IL26: variants seen among roughly 807,000 people sequenced by gnomAD.
IL26 encodes the protein interleukin-26.
In IL26, 23 loss-of-function variants were observed where a neutral mutation model predicts 21.7. The ratio of observed to expected loss-of-function variants is 1.06; its 90% CI spans 0.76 to 1.50. The LOEUF is 1.50. Ranked by LOEUF, IL26 falls within the 40% of genes most tolerant of loss-of-function variation. The pLI is 0.00. For synonymous variants in IL26, 63 were observed against 67.8 expected (o/e 0.93, Z 0.34); for missense variants, 204 against 196.0 (o/e 1.04, Z -0.24).
chr12:68,208,964 A>G (rs1341579653), intron 3 of IL26, among the ~76,000 whole-genome samples: 2 of 152,218 alleles, frequency 1.3e-5, no homozygotes, highest in Non-Finnish European at 2.9e-5. Context: ...CAGGGTCCAC[A>G]AGCCTACTTG....
chr12:68,224,555 G>A (rs1474550463), intron 3 of IL26, among the ~76,000 whole-genome samples: 1 of 150,660 alleles, frequency 6.6e-6, no homozygotes, highest in Non-Finnish European at 1.5e-5. Context: ...ATAAGAAAAA[G>A]GGCATCAGTT....
rs11571022 is a variant in IL26, at chr12:68,215,040, C to CA, written c.363+10108dup. ...TGCTTTGTGGTTACCACGAGGCTTACAAAAAAACCTCTTATAAATATAACG... is the reference window on the plus strand; with the variant it reads ...TGCTTTGTGGTTACCACGAGGCTTACAAAAAAAACCTCTTATAAATATAACG... On this transcript the variant is annotated intron_variant, in intron 3 of 4. Coordinates refer to ENST00000229134, the MANE Select transcript of IL26 (RefSeq NM_018402.2). Among the ~76,000 whole-genome samples, 1,198 of 151,664 alleles carry CA rather than the reference C, an allele frequency of 7.9e-3. 12 individuals carry two copies. The highest frequency in any genetic ancestry group is 0.027 in the African/African-American group (1,135 of 41,348).
At chr12:68,222,605 A>T (rs1869085892) in intron 3 of IL26, among the ~76,000 whole-genome samples, 1 of 152,202 alleles carries the variant, frequency 6.6e-6, no homozygotes, top group Admixed American at 6.5e-5. Flanking sequence ...CCGATCGTGG[A>T]AGAAGCCTTG....
rs1311460719 is a variant in IL26, at chr12:68,215,124, A to C, written c.363+10025T>G. On this transcript the variant is annotated intron_variant, in intron 3 of 4. Transcript: ENST00000229134. ...TCAAAATAAAAAGGGACTAGAAACA[A>C]ACCAAGGAAAAACTTTTAAAAACTA... 3.9e-5 allele frequency among the ~76,000 whole-genome samples: 6 copies of C among 152,208 alleles called. No homozygotes were observed. The East Asian group carries it at 1.2e-3, about 29-fold the overall frequency.
rs144153916 is a variant in IL26 at position 68,209,995 on chromosome 12, A to G, written c.364-7912T>C. Among the ~76,000 whole-genome samples the G allele has an allele frequency of 5.3e-5, 8 of 152,270 alleles. No individual in the cohort carries two copies. The East Asian group carries it at 1.2e-3, about 22-fold the overall frequency. ...ACCTCAATATACAACTTCAGACTGG[A>G]TCATAACCACCCTTCTTGTTGTTTT... On this transcript the variant is annotated intron_variant, in intron 3 of 4. Transcript: ENST00000229134.
intron 3 of IL26, among the ~76,000 whole-genome samples, chr12:68,220,984 A>G (rs1869029986): frequency 6.6e-6 from 1 of 152,192 alleles, no homozygotes; most frequent in African/African-American, 2.4e-5. Context: ...AATGTTAAAT[A>G]TAGTCATAAG....
chr12:68,204,082 T>C (rs1481461494), intron 3 of IL26, among the ~76,000 whole-genome samples: 6 of 152,062 alleles, frequency 3.9e-5, no homozygotes, highest in African/African-American at 1.4e-4. Flanking sequence ...ATTTAATGCA[T>C]AGAATCCTTT....
At position 68,201,999 on chromosome 12, in the gene IL26, A is replaced by G. The variant is rs762976376; in HGVS notation, c.429+19T>C. ...TTTAAAAAACAAAGTTTTTTAATATAAGGATTTAGAATTCTTACCCTATAA... is the reference window on the plus strand; with the variant it reads ...TTTAAAAAACAAAGTTTTTTAATATGAGGATTTAGAATTCTTACCCTATAA... On this transcript the variant is annotated intron_variant, in intron 4 of 4. Coordinates refer to ENST00000229134, the MANE Select transcript of IL26 (RefSeq NM_018402.2). 3 of 1,547,924 alleles carry G rather than the reference A, an allele frequency of 1.9e-6. No individual in the cohort carries two copies. The East Asian group carries it at 6.9e-5, about 36-fold the overall frequency.
At chr12:68,222,090 C>G (rs1347755911) in intron 3 of IL26, among the ~76,000 whole-genome samples, 1 of 152,098 alleles carries the variant, frequency 6.6e-6, no homozygotes, top group African/African-American at 2.4e-5. Flanking sequence ...TTTAATAACT[C>G]TGGTATCCAT....
In IL26 at chr12:68,225,593, G is replaced by T. The variant is rs1001775000; in HGVS notation, c.164C>A (p.Thr55Lys). 11 of 1,613,798 alleles carry T rather than the reference G, an allele frequency of 6.8e-6. No individual in the cohort carries two copies. Among genetic ancestry groups the T allele is most frequent in the African/African-American group, 2.7e-5 (2 of 74,886 alleles). ...LYIKAAWLKA[T>K]IPEDRIKNIR... The stretch of plus-strand genomic sequence containing the variant: ...GCAGAGCCTAATACTTACTGGAATC[G>T]TTGCTTTGAGCCATGCTGCTTTGAT... Residue 55 changes from threonine to lysine, a missense_variant, in exon 1 of 5, where the codon ACG (threonine) becomes AAG (lysine). Coordinates refer to ENST00000229134, the MANE Select transcript of IL26 (RefSeq NM_018402.2).
rs536961808 is a variant in IL26, at chr12:68,225,689, T to C, written c.68A>G (p.His23Arg). The change falls in exon 1 of 5, where the codon CAC becomes CGC. Residue 23 changes from histidine (H) to arginine (R), a missense_variant. Physicochemically the swap from His to Arg is conservative, Grantham distance 29. Transcript: ENST00000229134. ...ACTTTTGGTGAAGGAAGATTGCTTG[T>C]GCTTGGCAATGGCAAGAGACAGAGT... ...LVTLSLAIAK[H>R]KQSSFTKSCY... 6.2e-7 allele frequency: 1 copy of C among 1,614,090 alleles called. No individual in the cohort carries two copies. Among genetic ancestry groups the C allele is most frequent in the Non-Finnish European group, 8.5e-7 (1 of 1,179,950 alleles).
chr12:68,225,473 A>C lies in IL26; in HGVS notation c.199T>G (p.Leu67Val). The stretch of plus-strand genomic sequence containing the variant: ...AACTGCTTTTTTGTTTTCTTTTTTA[A>C]TAATCGTATATTTTTTATGCGGTCT... ...PEDRIKNIRLLKKKTKKQFMK... is the reference protein window; with the variant it reads ...PEDRIKNIRLVKKKTKKQFMK... Residue 67 changes from leucine to valine, a missense_variant, in exon 2 of 5, where the codon TTA becomes GTA. Physicochemically the swap from Leu to Val is conservative, Grantham distance 32 (BLOSUM62 1). Transcript: ENST00000229134. 1 of 1,589,692 alleles carries C rather than the reference A, an allele frequency of 6.3e-7. No individual in the cohort carries two copies. The highest frequency in any genetic ancestry group is 2.2e-5 in the East Asian group (1 of 44,772).
intron 2 of IL26, 45 bp from the exon 3 acceptor site, chr12:68,225,328 G>GT: frequency 6.4e-7 from 1 of 1,573,530 alleles, no homozygotes; most frequent in Non-Finnish European, 8.7e-7. Context: ...ATTATGAATC[G>GT]TTTTTTAATG....
At chr12:68,206,169 G>A (rs1868536968) in intron 3 of IL26, among the ~76,000 whole-genome samples, 1 of 152,154 alleles carries the variant, frequency 6.6e-6, no homozygotes, top group Admixed American at 6.5e-5. Context: ...TATTGTTTCA[G>A]GCTTGATGAC....
In IL26 at chr12:68,201,680, C is replaced by T. The variant is rs1286384664; in HGVS notation, c.*165G>A. On this transcript the variant is annotated 3_prime_UTR_variant, in exon 5 of 5. Coordinates refer to ENST00000229134, the MANE Select transcript of IL26 (RefSeq NM_018402.2). ...GTGCAAATTAGTGACAACTTATATC[C>T]AAAACGTTAATTTACTAAATCCTTC... 1 of 473,014 alleles carries T rather than the reference C, an allele frequency of 2.1e-6. No individual in the cohort carries two copies. The highest frequency in any genetic ancestry group is 3.7e-6 in the Non-Finnish European group (1 of 268,644). 29.3% of individuals were successfully genotyped at this position (473,014 alleles called of 1,614,324 possible).
At chr12:68,212,111 C>T (rs905781363) in intron 3 of IL26, among the ~76,000 whole-genome samples, 18 of 152,018 alleles carry the variant, frequency 1.2e-4, no homozygotes, top group Admixed American at 1.2e-3. Flanking sequence ...TCGAGTTTTC[C>T]CAGCATCATT....
intron 3 of IL26, among the ~76,000 whole-genome samples, chr12:68,219,601 T>G (rs1030094057): frequency 6.6e-6 from 1 of 151,678 alleles, no homozygotes; most frequent in Non-Finnish European, 1.5e-5. Flanking sequence ...ATTAATAATC[T>G]CAGCTTCCAA....
intron 3 of IL26, among the ~76,000 whole-genome samples, chr12:68,208,905 G>A (rs1480597070): frequency 2.0e-5 from 3 of 152,166 alleles, no homozygotes; most frequent in Non-Finnish European, 4.4e-5. Context: ...ATAAACATTT[G>A]CTGAATAAAT....
In IL26 at chr12:68,225,728, C is replaced by A; in HGVS notation, c.29G>T (p.Gly10Val). Reference protein sequence around the residue: MLVNFILRCGLLLVTLSLAI... With the variant: MLVNFILRCVLLLVTLSLAI... ...AAGAGACAGAGTGACTAACAGCAACCCACACCTCAAAATGAAATTCACCAG... is the reference window on the plus strand; with the variant it reads ...AAGAGACAGAGTGACTAACAGCAACACACACCTCAAAATGAAATTCACCAG... The change falls in exon 1 of 5, where the codon GGG becomes GTG. Residue 10 changes from glycine to valine, a missense_variant. Coordinates refer to ENST00000229134, the MANE Select transcript of IL26 (RefSeq NM_018402.2). 6.2e-7 allele frequency: 1 copy of A among 1,613,952 alleles called. No individual in the cohort carries two copies.
Sources: allele counts gnomAD v4.1 joint callset (sites outside exome capture counted in the v4.1 genomes callset), GRCh38; gene constraint gnomAD v4.1.1; transcripts MANE v1.5; gene names NCBI Gene and HGNC (gene_info 2026-07-23, HGNC 2026-07-21).